Variants in LRMDA observed in about 807,000 individuals in gnomAD.
The protein encoded by LRMDA is leucine-rich melanocyte differentiation-associated protein.
LRMDA carries 18 observed loss-of-function variants against 29.8 expected under a neutral mutation model. The observed-to-expected ratio is 0.60, with a 90% confidence interval of 0.42 to 0.90. The LOEUF is 0.90. LRMDA is among the 40% of genes least tolerant of loss of function. The pLI, the probability that LRMDA is intolerant of heterozygous loss-of-function variation, is 0.00. For missense variants in LRMDA, 273 were observed against 273.9 expected (o/e 1.00, Z 0.02); for synonymous variants, 125 against 109.4 (o/e 1.14, Z -0.89).
At position 75,963,932 on chromosome 10, in the gene LRMDA, A is replaced by C. The variant is rs564562521; in HGVS notation, c.132-72076A>C. 5.9e-5 allele frequency among the ~76,000 whole-genome samples: 9 copies of C among 152,312 alleles called. No homozygotes were observed. The East Asian group carries it at 1.5e-3, about 26-fold the overall frequency. Reference sequence around the variant, plus strand: ...GCTTAATGGTGGCAGGCTTGCTTTAATCCTTCTTGCTTTGGGGTTCTGCAT... The same window carrying C: ...GCTTAATGGTGGCAGGCTTGCTTTACTCCTTCTTGCTTTGGGGTTCTGCAT... On this transcript the variant is annotated intron_variant, in intron 2 of 6. Transcript: ENST00000611255.
At chr10:75,976,631 AT>A (rs1252592862) in intron 2 of LRMDA, among the ~76,000 whole-genome samples, 1 of 152,220 alleles carries the variant, frequency 6.6e-6, no homozygotes, top group East Asian at 1.9e-4. Flanking sequence ...TTGTCAAAGT[AT>A]TACTATTTGC....
chr10:76,353,206 A>G (rs1398765992), intron 6 of LRMDA, among the ~76,000 whole-genome samples: 1 of 152,098 alleles, frequency 6.6e-6, no homozygotes, highest in African/African-American at 2.4e-5. Context: ...TCCAGAGGAT[A>G]AAGGCAGGAC....
intron 2 of LRMDA, among the ~76,000 whole-genome samples, chr10:75,584,906 C>T (rs1840639206): frequency 6.6e-6 from 1 of 152,182 alleles, no homozygotes; most frequent in South Asian, 2.1e-4. Context: ...AACTTTGGGG[C>T]AGCAGTTCAG....
Position 75,709,763 on chromosome 10 carries a change from C to T in LRMDA, c.131+271269C>T, listed in dbSNP as rs115803937. ...CTCGGCCCTTTAAGAGGAAGGGGCT[C>T]AAGGTAAGAGATGCTCTGCAGTTGG... On this transcript the variant is annotated intron_variant, in intron 2 of 6. Coordinates refer to ENST00000611255, the MANE Select transcript of LRMDA (RefSeq NM_001305581.2). 8.7e-3 allele frequency among the ~76,000 whole-genome samples: 1,317 copies of T among 152,188 alleles called. 21 individuals are homozygous for T. The highest frequency in any genetic ancestry group is 0.03 in the African/African-American group (1,225 of 41,522).
At chr10:76,165,679 G>A (rs1236162725) in intron 5 of LRMDA, among the ~76,000 whole-genome samples, 1 of 152,212 alleles carries the variant, frequency 6.6e-6, no homozygotes, top group African/African-American at 2.4e-5. Flanking sequence ...TCACATGGCA[G>A]CAGGAGAGAG....
chr10:75,516,955 G>A (rs2195629), intron 2 of LRMDA, among the ~76,000 whole-genome samples: 36,988 of 151,892 alleles, frequency 0.24, 4,722 homozygotes, highest in Non-Finnish European at 0.27. Context: ...ATGAAATAGG[G>A]AATCGTTTCC....
intron 2 of LRMDA, among the ~76,000 whole-genome samples, chr10:75,861,881 T>G (rs1844936486): frequency 6.6e-6 from 1 of 152,190 alleles, no homozygotes; most frequent in African/African-American, 2.4e-5. Context: ...GCTGGTCTTC[T>G]TGGAATGCTT....
chr10:76,521,196 C>A lies in LRMDA; in HGVS notation c.602-36013C>A, dbSNP rs192903382. ...TCGCCCAGGCTGGAGTGCCGTGGCGCGATCTCGGCTCACTGCAAGCTCCAC... is the reference window on the plus strand; with the variant it reads ...TCGCCCAGGCTGGAGTGCCGTGGCGAGATCTCGGCTCACTGCAAGCTCCAC... On this transcript the variant is annotated intron_variant, in intron 6 of 6. Transcript: ENST00000611255. Among the ~76,000 whole-genome samples the A allele has an allele frequency of 7.8e-3, 1,166 of 149,612 alleles. 13 individuals are homozygous for A. Among genetic ancestry groups the A allele is most frequent in the African/African-American group, 0.027 (1,086 of 40,606 alleles).
chr10:76,415,784 A>G lies in LRMDA; in HGVS notation c.601+91299A>G, dbSNP rs192336012. Among the ~76,000 whole-genome samples, 119 of 152,300 alleles carry G rather than the reference A, an allele frequency of 7.8e-4. 1 individual carries two copies. The East Asian group carries it at 0.02, about 26-fold the overall frequency. On this transcript the variant is annotated intron_variant, in intron 6 of 6. Transcript: ENST00000611255. The stretch of plus-strand genomic sequence containing the variant: ...GCCTGGCTGTCCTTTATTGCCCATC[A>G]TAGCTCAGCCTGCCACATGTTCCTG...
chr10:75,774,418 A>C (rs139162029), intron 2 of LRMDA, among the ~76,000 whole-genome samples: 32 of 152,284 alleles, frequency 2.1e-4, no homozygotes, highest in African/African-American at 7.0e-4. Context: ...TTTTGGATTC[A>C]TAACAGTTCA....
chr10:76,174,042 G>T (rs1320108811), intron 5 of LRMDA, among the ~76,000 whole-genome samples: 3 of 152,166 alleles, frequency 2.0e-5, no homozygotes, highest in Admixed American at 2.0e-4. Context: ...TGGCTTCACT[G>T]ATGAATTCTA....
chr10:75,787,108 G>T (rs1478122592), intron 2 of LRMDA, among the ~76,000 whole-genome samples: 6 of 152,214 alleles, frequency 3.9e-5, no homozygotes, highest in Admixed American at 2.0e-4. Context: ...GTACATTGGG[G>T]TCTATAGACT....
rs77904950 is a variant in LRMDA at position 76,320,617 on chromosome 10, A to T, written c.517-3784A>T. 0.012 allele frequency among the ~76,000 whole-genome samples: 1,762 copies of T among 152,284 alleles called. 245 individuals carry two copies. In the East Asian group the frequency reaches 0.3, roughly 26 times the overall value. ...AGAAATAGGGCCTTTTGGTGTTTTT[A>T]AAAAAATTTCAGGCTTAAGTCTGAG... is the stretch of plus-strand genomic sequence containing the variant. On this transcript the variant is annotated intron_variant, in intron 5 of 6. Coordinates refer to ENST00000611255, the MANE Select transcript of LRMDA (RefSeq NM_001305581.2).
chr10:75,664,856 A>G (rs1401953498), intron 2 of LRMDA, among the ~76,000 whole-genome samples: 4 of 152,232 alleles, frequency 2.6e-5, no homozygotes, highest in African/African-American at 9.6e-5. Flanking sequence ...TCCACTGCAT[A>G]TAGAATTTTT....
intron 2 of LRMDA, among the ~76,000 whole-genome samples, chr10:75,494,926 G>A (rs535682525): frequency 6.6e-6 from 1 of 152,304 alleles, no homozygotes; most frequent in African/African-American, 2.4e-5. Flanking sequence ...GTCCAGGATG[G>A]CAACTAGAAG....
chr10:75,578,192 A>G (rs1304146848), intron 2 of LRMDA, among the ~76,000 whole-genome samples: 1 of 138,608 alleles, frequency 7.2e-6, no homozygotes, highest in African/African-American at 2.8e-5. Flanking sequence ...GGATGGAGGT[A>G]TATTTACCAA....
At chr10:75,653,820 C>T (rs1232841815) in intron 2 of LRMDA, among the ~76,000 whole-genome samples, 3 of 152,198 alleles carry the variant, frequency 2.0e-5, no homozygotes, top group African/African-American at 7.2e-5. Flanking sequence ...TGTGTTTGTA[C>T]ATCAGTTTCA....
At chr10:76,341,049 T>C (rs1037765092) in intron 6 of LRMDA, among the ~76,000 whole-genome samples, 1 of 152,190 alleles carries the variant, frequency 6.6e-6, no homozygotes, top group Non-Finnish European at 1.5e-5. Context: ...AACCTAATGC[T>C]CTGTGTTGTG....
chr10:76,003,679 G>A lies in LRMDA; in HGVS notation c.132-32329G>A, dbSNP rs147652766. 7.8e-3 allele frequency among the ~76,000 whole-genome samples: 1,194 copies of A among 152,248 alleles called. 3 individuals are homozygous for A. Among genetic ancestry groups the A allele is most frequent in the Non-Finnish European group, 0.013 (854 of 68,022 alleles). On this transcript the variant is annotated intron_variant, in intron 2 of 6. Transcript: ENST00000611255. ...GGAAGGTGAGATGAGTAAATGGCAG[G>A]TAAGTCAGTTGAGGGTGTTGAAGGA...
Sources: allele counts gnomAD v4.1 joint callset (sites outside exome capture counted in the v4.1 genomes callset), GRCh38; gene constraint gnomAD v4.1.1; transcripts MANE v1.5; gene names NCBI Gene and HGNC (gene_info 2026-07-23, HGNC 2026-07-21).